Variants in IL12RB1 observed in about 807,000 individuals in gnomAD.
IL12RB1 encodes interleukin 12 receptor subunit beta 1.
IL12RB1 carries 64 observed loss-of-function variants against 94.4 expected under a neutral mutation model. The ratio of observed to expected loss-of-function variants is 0.68; its 90% confidence interval spans 0.55 to 0.83. The LOEUF (loss-of-function observed/expected upper bound fraction) is 0.83. Among genes scored for constraint, IL12RB1 ranks in the 40% least tolerant of loss-of-function variants. The pLI is 0.00. For missense variants in IL12RB1, 814 were observed against 855.6 expected (o/e 0.95, Z 0.61); for synonymous variants, 362 against 355.5 (o/e 1.02, Z -0.21).
At position 18,083,045 on chromosome 19, in the gene IL12RB1, T is replaced by C. The variant is rs1340031628; in HGVS notation, c.124+387A>G. The C allele has an allele frequency of 2.0e-5, 7 of 351,394 alleles. 1 individual carries two copies. The highest frequency in any genetic ancestry group is 3.9e-5 in the Non-Finnish European group (7 of 180,318). 21.8% of individuals were successfully genotyped at this position (351,394 alleles called of 1,614,324 possible). On this transcript the variant is annotated intron_variant, in intron 2 of 16. Transcript: ENST00000593993. ...TGGCAGTGAGCTGTGATCAGGCCAC[T>C]GCACTCCAACCTGGGCAGCAGAACA... is the stretch of plus-strand genomic sequence containing the variant.
At chr19:18,097,789 G>A in intron 1 of IL12RB1, 5 of 1,220,734 alleles carry the variant, frequency 4.1e-6, no homozygotes, top group Non-Finnish European at 5.1e-6. Context: ...CGGACTCCCG[G>A]GCCATGGACG....
At chr19:18,060,874 T>G (rs974308240) in intron 15 of IL12RB1, among the ~76,000 whole-genome samples, 2 of 152,268 alleles carry the variant, frequency 1.3e-5, no homozygotes, top group South Asian at 2.1e-4. Flanking sequence ...TTCAGGCATA[T>G]CTGAAGCCCA....
intron 1 of IL12RB1, among the ~76,000 whole-genome samples, chr19:18,097,430 C>G (rs751103606): frequency 7.9e-5 from 12 of 152,066 alleles, no homozygotes; most frequent in Admixed American, 2.0e-4. Context: ...AACTCCTGAC[C>G]TCAAGTGATC....
At chr19:18,064,135 T>TTC in intron 12 of IL12RB1, 125 bp from the exon 13 acceptor site, 1 of 458,236 alleles carries the variant, frequency 2.2e-6, no homozygotes, top group South Asian at 2.4e-5. Context: ...CTACTCTTTC[T>TTC]TTCTTTTTTT....
At chr19:18,064,035 G>A in intron 12 of IL12RB1, 25 bp from the exon 13 acceptor site, 2 of 1,597,674 alleles carry the variant, frequency 1.3e-6, no homozygotes, top group Non-Finnish European at 1.7e-6. Context: ...GCAACCCTGA[G>A]TCCTGGGACC....
intron 1 of IL12RB1, among the ~76,000 whole-genome samples, chr19:18,094,245 C>T (rs934947064): frequency 1.3e-5 from 2 of 152,244 alleles, no homozygotes; most frequent in Non-Finnish European, 2.9e-5. Context: ...TCTCCTGCCT[C>T]AGCCCCCCGA....
At chr19:18,065,164 A>T (rs2034488550) in intron 12 of IL12RB1, among the ~76,000 whole-genome samples, 1 of 152,142 alleles carries the variant, frequency 6.6e-6, no homozygotes, top group South Asian at 2.1e-4. Flanking sequence ...GTTTCTGTCT[A>T]ACACCACCGA....
At chr19:18,072,419 G>T in intron 8 of IL12RB1, 70 bp from the exon 9 acceptor site, 1 of 981,212 alleles carries the variant, frequency 1.0e-6, no homozygotes, top group Non-Finnish European at 1.7e-6. Flanking sequence ...AGACAGCAGG[G>T]CACAGCCTAT....
chr19:18,060,237 G>A (rs150922307), intron 15 of IL12RB1, among the ~76,000 whole-genome samples, 152 bp from the exon 16 acceptor site: 54 of 152,290 alleles, frequency 3.5e-4, no homozygotes, highest in Non-Finnish European at 5.7e-4. Context: ...CCAGCACTTT[G>A]GGAGGCTGAG....
chr19:18,089,192 G>C (rs1476255774), upstream of IL12RB1, among the ~76,000 whole-genome samples: 1 of 152,140 alleles, frequency 6.6e-6, no homozygotes, highest in East Asian at 1.9e-4. Flanking sequence ...CAGGGGCTGG[G>C]GGGAGGCGGG....
At position 18,083,074 on chromosome 19, in the gene IL12RB1, C is replaced by T. The variant is rs17882109; in HGVS notation, c.124+358G>A. On this transcript the variant is annotated intron_variant, in intron 2 of 16. Transcript: ENST00000593993. Reference sequence around the variant, plus strand: ...CTCCAACCTGGGCAGCAGAACAAGACTCCGTCTCAAAAATAAATAAATGAA... The same window carrying T: ...CTCCAACCTGGGCAGCAGAACAAGATTCCGTCTCAAAAATAAATAAATGAA... The T allele has an allele frequency of 6.5e-3, 2,491 of 382,052 alleles. 74 individuals carry two copies. The highest frequency in any genetic ancestry group is 0.048 in the African/African-American group (2,303 of 47,952). The allele number at this position is 382,052 out of a possible 1,614,324, so 23.7% of individuals were successfully genotyped here. A position where few individuals can be genotyped will look rare whatever the true frequency, so the allele number is the denominator to read the frequency against.
chr19:18,082,408 T>A, intron 2 of IL12RB1, 144 bp from the exon 3 acceptor site: 1 of 681,638 alleles, frequency 1.5e-6, no homozygotes, highest in Non-Finnish European at 2.7e-6. Flanking sequence ...TCCCCTGCCG[T>A]CTCTCACCTC....
intron 13 of IL12RB1, among the ~76,000 whole-genome samples, chr19:18,063,229 G>A (rs2034311775): frequency 6.6e-6 from 1 of 150,950 alleles, no homozygotes; most frequent in Non-Finnish European, 1.5e-5. Flanking sequence ...CTGAGCAGCT[G>A]AGACTACAGG....
At chr19:18,067,553 C>T (rs1220434132) in intron 11 of IL12RB1, among the ~76,000 whole-genome samples, 1 of 152,038 alleles carries the variant, frequency 6.6e-6, no homozygotes, top group East Asian at 1.9e-4. Flanking sequence ...CCTGTAATCC[C>T]GGCACTTTGG....
chr19:18,080,117 T>C (rs1049117589), intron 4 of IL12RB1, among the ~76,000 whole-genome samples: 1 of 151,884 alleles, frequency 6.6e-6, no homozygotes, highest in African/African-American at 2.4e-5. Flanking sequence ...ATGCAGTGAC[T>C]TGATCTTAGC....
chr19:18,061,971 C>T (rs931159994), intron 14 of IL12RB1, among the ~76,000 whole-genome samples: 3 of 152,248 alleles, frequency 2.0e-5, no homozygotes, highest in African/African-American at 7.2e-5. Context: ...AGCGGCTACT[C>T]TCCGCCTACA....
Position 18,080,940 on chromosome 19 carries a change from C to G in IL12RB1, c.301G>C (p.Asp101His), listed in dbSNP as rs748586854. 9 of 1,613,732 alleles carry G rather than the reference C, an allele frequency of 5.6e-6. No homozygotes were observed. The highest frequency in any genetic ancestry group is 3.3e-5 in the Admixed American group (2 of 59,970). ...AGSATRLQFSDQAGVSVLYTV... is the reference protein window; with the variant it reads ...AGSATRLQFSHQAGVSVLYTV... ...TACAGCACAGACACCCCAGCCTGGT[C>G]GGAGAACTGCAGCCTGGTGGCTGAG... is the stretch of plus-strand genomic sequence containing the variant. Residue 101 changes from aspartate to histidine, a missense_variant, in exon 4 of 17, where the codon GAC becomes CAC. Transcript: ENST00000593993.
At chr19:18,089,298 G>A (rs1457704284), upstream of IL12RB1, among the ~76,000 whole-genome samples, 2 of 152,038 alleles carry the variant, frequency 1.3e-5, no homozygotes, top group African/African-American at 4.8e-5. Context: ...AACACTGAAT[G>A]TGCTAAATGT....
chr19:18,095,294 G>T (rs922171835), intron 1 of IL12RB1, among the ~76,000 whole-genome samples: 1 of 152,114 alleles, frequency 6.6e-6, no homozygotes, highest in African/African-American at 2.4e-5. Context: ...ACCAACAAAT[G>T]AGTGGATCAA....
Sources: gnomAD v4.1 joint callset for allele counts (sites outside exome capture counted in the v4.1 genomes callset) on GRCh38, gnomAD v4.1.1 for gene constraint, MANE v1.5 for transcripts, NCBI Gene and HGNC (gene_info 2026-07-23, HGNC 2026-07-21) for gene names.